The following RXRA variants were observed in gnomAD, a reference collection of about 807,000 sequenced individuals.
RXRA encodes retinoid X receptor alpha.
A neutral mutation model predicts 44.5 loss-of-function variants in RXRA; 5 were observed. The ratio of observed to expected loss-of-function variants is 0.11; its 90% CI spans 0.06 to 0.24. RXRA has a LOEUF of 0.24. Among genes scored for constraint, RXRA ranks in the 10% least tolerant of loss-of-function variants. RXRA has a pLI of 1.00. For missense variants in RXRA, 412 were observed against 646.5 expected, an observed-to-expected ratio of 0.64 and a Z score of 3.93; for synonymous variants, 291 against 271.4, an observed-to-expected ratio of 1.07 and a Z score of -0.71.
At chr9:134,434,761 G>A (rs1388035992) in intron 9 of RXRA, among the ~76,000 whole-genome samples, 2 of 151,778 alleles carry the variant, frequency 1.3e-5, no homozygotes, top group East Asian at 2.0e-4. Flanking sequence ...GAAGAGAAAC[G>A]TTTGTGGATC....
chr9:134,365,786 G>C lies in RXRA; in HGVS notation c.29-35846G>C, dbSNP rs1830407225. 6.6e-6 allele frequency among the ~76,000 whole-genome samples: 1 copy of C among 152,010 alleles called. No individual in the cohort carries two copies. The highest frequency in any genetic ancestry group is 1.5e-5 in the Non-Finnish European group (1 of 67,968). The stretch of plus-strand genomic sequence containing the variant: ...GGTGGGTGAGGTGCCCCAGGGGAAG[G>C]GAGGGCCAGCCCAGAAGGACCCTCC... On this transcript the variant is annotated intron_variant, in intron 1 of 9. Coordinates refer to ENST00000481739, the MANE Select transcript of RXRA (RefSeq NM_002957.6). This position sits in a 1 kb window ranked among gnomAD's most constrained non-coding sequence, Gnocchi z 4.0.
chr9:134,388,437 G>A (rs1328967515), intron 1 of RXRA, among the ~76,000 whole-genome samples: 1 of 152,194 alleles, frequency 6.6e-6, no homozygotes, highest in African/African-American at 2.4e-5. Flanking sequence ...CTGCTCTCAC[G>A]CAGGAGTGGG....
chr9:134,379,725 G>A (rs1354304653), intron 1 of RXRA: 1 of 985,314 alleles, frequency 1.0e-6, no homozygotes, highest in African/African-American at 1.7e-5. Flanking sequence ...GCCTGGGCGG[G>A]TTCGTGGGTC....
rs956642555 is a variant in RXRA at position 134,438,249 on chromosome 9, G to A, written c.*1635G>A. On this transcript the variant is annotated 3_prime_UTR_variant, in exon 10 of 10. Coordinates refer to ENST00000481739, the MANE Select transcript of RXRA (RefSeq NM_002957.6). ...CATAGTCTTTCCCCACCTGGAGCAGGGGCTTCCTCAGTGGTGAGGGGAGCT... is the reference window on the plus strand; with the variant it reads ...CATAGTCTTTCCCCACCTGGAGCAGAGGCTTCCTCAGTGGTGAGGGGAGCT... 1 of 152,328 alleles carries A rather than the reference G, an allele frequency of 6.6e-6. No individual in the cohort carries two copies. Among genetic ancestry groups the A allele is most frequent in the Non-Finnish European group, 1.5e-5 (1 of 68,092 alleles). 9.4% of individuals were successfully genotyped at this position (152,328 alleles called of 1,614,324 possible).
chr9:134,384,219 C>A lies in RXRA; in HGVS notation c.29-17413C>A, dbSNP rs530939307. On this transcript the variant is annotated intron_variant, in intron 1 of 9. Transcript: ENST00000481739. The stretch of plus-strand genomic sequence containing the variant: ...GGGAGTCCTGGACCCTCCATACTGT[C>A]ACCCCGGCGGGGAGTCCTCAACCCT... Among the ~76,000 whole-genome samples, 16 of 152,196 alleles carry A rather than the reference C, an allele frequency of 1.1e-4. No individual in the cohort carries two copies. In the East Asian group the frequency reaches 3.1e-3, roughly 29 times the overall value.
chr9:134,414,835 G>A (rs1831208166), intron 4 of RXRA, among the ~76,000 whole-genome samples: 2 of 152,220 alleles, frequency 1.3e-5, no homozygotes, highest in African/African-American at 4.8e-5. Flanking sequence ...CTGCCCCGGG[G>A]GCTGCTCAGC....
intron 7 of RXRA, among the ~76,000 whole-genome samples, chr9:134,430,546 C>T (rs35639444): frequency 2.1e-4 from 32 of 152,332 alleles, no homozygotes; most frequent in Non-Finnish European, 4.0e-4. Flanking sequence ...GGTTTGTGGC[C>T]GCAGACGGTG....
At chr9:134,356,434 G>C (rs549542653) in intron 1 of RXRA, among the ~76,000 whole-genome samples, 1 of 151,918 alleles carries the variant, frequency 6.6e-6, no homozygotes, top group Non-Finnish European at 1.5e-5. Context: ...CATGCTGGCC[G>C]GGCCGGGGAG....
At chr9:134,338,877 A>G (rs891295941) in intron 1 of RXRA, among the ~76,000 whole-genome samples, 90 of 152,264 alleles carry the variant, frequency 5.9e-4, no homozygotes, top group African/African-American at 2.1e-3. Context: ...AGGACTCTGG[A>G]GACAGCCGCC....
intron 1 of RXRA, chr9:134,373,868 T>C (rs1328592236): frequency 6.6e-6 from 1 of 152,158 alleles, no homozygotes; most frequent in Non-Finnish European, 1.5e-5. Flanking sequence ...AGAGACAGAG[T>C]CTTGCTTTGT....
intron 1 of RXRA, among the ~76,000 whole-genome samples, chr9:134,329,277 C>T (rs777354125): frequency 1.6e-4 from 24 of 152,196 alleles, no homozygotes; most frequent in Admixed American, 8.5e-4. Context: ...CGGGGCCTCC[C>T]GAAATAACAG....
At chr9:134,428,613 C>G (rs780276764) in intron 6 of RXRA, among the ~76,000 whole-genome samples, 10 of 152,122 alleles carry the variant, frequency 6.6e-5, no homozygotes, top group Non-Finnish European at 1.5e-4. Context: ...GTTACCTAAC[C>G]TTCCCCCCTG....
intron 1 of RXRA, among the ~76,000 whole-genome samples, chr9:134,395,884 A>G (rs1216983189): frequency 6.6e-6 from 1 of 152,224 alleles, no homozygotes; most frequent in South Asian, 2.1e-4. Flanking sequence ...AGAAGAGCTG[A>G]AATTCCAGCC....
In RXRA at chr9:134,408,205, C is replaced by A. The variant is rs766320897; in HGVS notation, c.336C>A (p.Gly112=). 5 of 1,609,536 alleles carry A rather than the reference C, an allele frequency of 3.1e-6. No individual in the cohort carries two copies. The Admixed American group carries it at 8.4e-5, about 27-fold the overall frequency. Residue 112 remains glycine, a synonymous_variant, in exon 3 of 10, where the codon GGC becomes GGA. Transcript: ENST00000481739. ...GCGAGGACATCAAGCCCCCCCTGGG[C>A]CTCAATGGCGTCCTCAAGGTCCCCG... is the stretch of plus-strand genomic sequence containing the variant. ...SSSEDIKPPL[G]LNGVLKVPAH... is the part of the protein sequence containing the mutation.
chr9:134,335,828 A>G (rs1417355974), intron 1 of RXRA, among the ~76,000 whole-genome samples: 2 of 151,820 alleles, frequency 1.3e-5, no homozygotes, highest in East Asian at 3.9e-4. Context: ...GCCCTTCCCT[A>G]CCACCTATTC....
chr9:134,374,108 G>C (rs1375673695), intron 1 of RXRA: 1 of 152,316 alleles, frequency 6.6e-6, no homozygotes, highest in Non-Finnish European at 1.5e-5. Flanking sequence ...TCGGTTAATC[G>C]TCACGGCTTC....
chr9:134,377,982 G>A (rs1380248094), intron 1 of RXRA, among the ~76,000 whole-genome samples: 4 of 152,382 alleles, frequency 2.6e-5, no homozygotes, highest in Non-Finnish European at 4.4e-5. Flanking sequence ...GTTATGTGCA[G>A]CTCAGCGTCG....
Position 134,436,976 on chromosome 9 carries a change from C to G in RXRA, c.*362C>G, listed in dbSNP as rs1470456106. On this transcript the variant is annotated 3_prime_UTR_variant, in exon 10 of 10. Transcript: ENST00000481739. ...GGAGCTGCAGGAGTTGGGAACGGGG[C>G]TTTTGTTTCCGTTGCTGTTTATCGA... The G allele has an allele frequency of 1.7e-5, 4 of 239,642 alleles. No homozygotes were observed. In the East Asian group the frequency reaches 2.9e-4, roughly 17 times the overall value. The allele number at this position is 239,642 out of a possible 1,614,324, so 14.8% of individuals were successfully genotyped here. A position where few individuals can be genotyped will look rare whatever the true frequency, so the allele number is the denominator to read the frequency against.
intron 1 of RXRA, among the ~76,000 whole-genome samples, chr9:134,367,135 A>G (rs548727264): frequency 2.2e-4 from 34 of 152,264 alleles, no homozygotes; most frequent in African/African-American, 8.2e-4. Flanking sequence ...CCAGCTTTAG[A>G]ATTTCGAAGC....
Sources: gnomAD v4.1 joint callset for allele counts (sites outside exome capture counted in the v4.1 genomes callset) on GRCh38, gnomAD v4.1.1 for gene constraint, Gnocchi (gnomAD v3.1) non-coding constraint, MANE v1.5 for transcripts, NCBI Gene and HGNC (gene_info 2026-07-23, HGNC 2026-07-21) for gene names.